Variants in ANO6 observed in about 807,000 individuals in gnomAD.
The protein encoded by ANO6 is anoctamin 6, also known as anoctamin-6.
A neutral mutation model predicts 117.5 loss-of-function variants in ANO6; 106 were observed. The observed-to-expected ratio is 0.90, with a 90% CI of 0.77 to 1.06. The LOEUF is 1.06. Among genes scored for constraint, ANO6 ranks in the 50% least tolerant of loss-of-function variants. The pLI, the probability that ANO6 is intolerant of heterozygous loss-of-function variation, is 0.00. For missense variants in ANO6, 955 were observed against 1,121.1 expected (o/e 0.85, Z 2.12); for synonymous variants, 367 against 385.1 (o/e 0.95, Z 0.55).
intron 1 of ANO6, among the ~76,000 whole-genome samples, chr12:45,277,284 G>A (rs1462990294): frequency 6.6e-6 from 1 of 152,146 alleles, no homozygotes; most frequent in Non-Finnish European, 1.5e-5. Context: ...TTCCTCTGGA[G>A]ACTGTACAGC....
At chr12:45,261,897 C>T (rs747881972) in intron 1 of ANO6, among the ~76,000 whole-genome samples, 1 of 152,120 alleles carries the variant, frequency 6.6e-6, no homozygotes, top group Non-Finnish European at 1.5e-5. Flanking sequence ...TAAAAGGTAC[C>T]GTTTTCACTT....
At chr12:45,390,047 C>T (rs1942400011) in intron 11 of ANO6, among the ~76,000 whole-genome samples, 1 of 152,192 alleles carries the variant, frequency 6.6e-6, no homozygotes, top group African/African-American at 2.4e-5. Flanking sequence ...TATTTGCAGA[C>T]ATCTAGGAAA....
chr12:45,230,046 C>T (rs1947551948), intron 1 of ANO6, among the ~76,000 whole-genome samples: 1 of 152,076 alleles, frequency 6.6e-6, no homozygotes, highest in East Asian at 1.9e-4. Context: ...GTTGCTTTTA[C>T]CTAAGTCTTA....
At position 45,260,476 on chromosome 12, in the gene ANO6, A is replaced by G. The variant is rs1325900340; in HGVS notation, c.71-41538A>G. On this transcript the variant is annotated intron_variant, in intron 1 of 19. Transcript: ENST00000320560. ...CAAGGCAAAGCAAAGGACAAAGGTTATGGGAGCAAATAGGAGGGCACTGTG... is the reference window on the plus strand; with the variant it reads ...CAAGGCAAAGCAAAGGACAAAGGTTGTGGGAGCAAATAGGAGGGCACTGTG... Among the ~76,000 whole-genome samples the G allele has an allele frequency of 2.0e-5, 3 of 152,228 alleles. 1 individual carries two copies. Among genetic ancestry groups the G allele is most frequent in the South Asian group, 4.1e-4 (2 of 4,836 alleles).
chr12:45,249,083 T>C (rs1947866011), intron 1 of ANO6, among the ~76,000 whole-genome samples: 2 of 152,212 alleles, frequency 1.3e-5, no homozygotes. Flanking sequence ...CACATAGGAC[T>C]TTTTCTGAGG....
At position 45,403,201 on chromosome 12, in the gene ANO6, G is replaced by C. The variant is rs766040840; in HGVS notation, c.1742G>C (p.Gly581Ala). The C allele has an allele frequency of 6.2e-7, 1 of 1,613,908 alleles. No individual in the cohort carries two copies. The highest frequency in any genetic ancestry group is 8.5e-7 in the Non-Finnish European group (1 of 1,179,898). The change falls in exon 14 of 20, where the codon GGA (glycine) becomes GCA (alanine). Residue 581 changes from glycine to alanine, a missense_variant. Gly to Ala is a moderately conservative substitution (Grantham distance 60). Transcript: ENST00000320560. ...AAGGGCAAATTTGTAGGCTATCCAG[G>C]AGACCCAGTTTATTGGTTGGGAAAA... ...FFKGKFVGYP[G>A]DPVYWLGKYR...
intron 3 of ANO6, among the ~76,000 whole-genome samples, chr12:45,344,854 T>C (rs1379111026): frequency 6.6e-6 from 1 of 152,152 alleles, no homozygotes; most frequent in East Asian, 1.9e-4. Context: ...CTGAGTCAAC[T>C]TTCAAGTTCA....
intron 12 of ANO6, among the ~76,000 whole-genome samples, chr12:45,392,782 C>A (rs1565745002): frequency 1.3e-5 from 2 of 152,162 alleles, no homozygotes; most frequent in Non-Finnish European, 2.9e-5. Context: ...AACAGACAGA[C>A]AGAAAGGAAT....
intron 1 of ANO6, among the ~76,000 whole-genome samples, chr12:45,230,539 G>A (rs1424861909): frequency 1.3e-5 from 2 of 151,102 alleles, no homozygotes; most frequent in African/African-American, 2.4e-5. Context: ...ACAACTAAAC[G>A]GAGAAATATA....
At chr12:45,270,774 G>A (rs981597694) in intron 1 of ANO6, among the ~76,000 whole-genome samples, 1 of 151,282 alleles carries the variant, frequency 6.6e-6, no homozygotes, top group Non-Finnish European at 1.5e-5. Context: ...TTTTTTTTGA[G>A]ACAGTCTCAC....
At position 45,350,658 on chromosome 12, in the gene ANO6, G is replaced by A. The variant is rs1230581702; in HGVS notation, c.748-1G>A. ...CTTACATGTTCCCTTCTGCGTCACA[G>A]TGCAAATTCCGCCGTCAGTCAGAGG... On this transcript the variant is annotated splice_acceptor_variant, in intron 6 of 19. Coordinates refer to ENST00000320560, the MANE Select transcript of ANO6 (RefSeq NM_001025356.3). LOFTEE classifies it high-confidence loss of function. The A allele has an allele frequency of 4.3e-6, 7 of 1,612,984 alleles. No homozygotes were observed. In the South Asian group the frequency reaches 6.6e-5, roughly 15 times the overall value.
At chr12:45,318,120 T>G (rs1010246694) in intron 2 of ANO6, among the ~76,000 whole-genome samples, 2 of 152,248 alleles carry the variant, frequency 1.3e-5, no homozygotes, top group Non-Finnish European at 2.9e-5. Context: ...AGAAGCTCTT[T>G]AGTTGAATTA....
chr12:45,375,076 C>T (rs1272052572), intron 9 of ANO6, among the ~76,000 whole-genome samples: 1 of 151,800 alleles, frequency 6.6e-6, no homozygotes, highest in East Asian at 1.9e-4. Context: ...AAACAGAGAG[C>T]CAAATCATGA....
chr12:45,278,209 T>C (rs939806917), intron 1 of ANO6, among the ~76,000 whole-genome samples: 1 of 152,142 alleles, frequency 6.6e-6, no homozygotes, highest in African/African-American at 2.4e-5. Context: ...CTCCCCACCT[T>C]AGCCCCCAGA....
rs1039523470 is a variant in ANO6 at position 45,347,067 on chromosome 12, C to T, written c.325C>T (p.Gln109Ter). 2 of 1,614,042 alleles carry T rather than the reference C, an allele frequency of 1.2e-6. No individual in the cohort carries two copies. Among genetic ancestry groups the T allele is most frequent in the Non-Finnish European group, 1.7e-6 (2 of 1,179,954 alleles). Residue 109 changes from glutamine (Q) to a stop codon, truncating the protein, a stop_gained, in exon 4 of 20, where the codon CAG (glutamine) becomes TAG (stop). Transcript: ENST00000320560. LOFTEE classifies it high-confidence loss of function. Reference protein sequence around the residue: ...YESNLICHGLQLEATRSVLDD... With the variant: ...YESNLICHGL ...ATCTAACCTTATCTGTCATGGCCTG[C>T]AGTTAGAAGCAACAAGATCAGTAAG...
intron 1 of ANO6, among the ~76,000 whole-genome samples, chr12:45,241,933 T>C (rs1947750661): frequency 6.6e-6 from 1 of 152,230 alleles, no homozygotes; most frequent in African/African-American, 2.4e-5. Flanking sequence ...TGATCCTTTC[T>C]GTGGAAGCTT....
chr12:45,423,017 T>C lies in ANO6; in HGVS notation c.2481T>C (p.Tyr827=). 1 of 1,614,138 alleles carries C rather than the reference T, an allele frequency of 6.2e-7. No homozygotes were observed. The highest frequency in any genetic ancestry group is 1.1e-5 in the South Asian group (1 of 91,082). ...HPQEYKHNIY[Y]WHVIAAKLAF... ...AGGAGTATAAACACAACATCTACTA[T>C]TGGCATGTGATTGCAGCCAAGCTGG... Residue 827 remains tyrosine (Y), a synonymous_variant, in exon 19 of 20, where the codon TAT becomes TAC. Coordinates refer to ENST00000320560, the MANE Select transcript of ANO6 (RefSeq NM_001025356.3).
chr12:45,227,826 T>G (rs1337563356), intron 1 of ANO6, among the ~76,000 whole-genome samples: 1 of 152,226 alleles, frequency 6.6e-6, no homozygotes, highest in Non-Finnish European at 1.5e-5. Context: ...GTGGCTGTGC[T>G]GCAGACACAT....
chr12:45,409,285 TAGC>T lies in ANO6; in HGVS notation c.1881-67_1881-65del, dbSNP rs1303518675. 8 of 1,571,246 alleles carry T rather than the reference TAGC, an allele frequency of 5.1e-6. No homozygotes were observed. The African/African-American group carries it at 5.4e-5, about 11-fold the overall frequency. On this transcript the variant is annotated intron_variant, in intron 15 of 19. Coordinates refer to ENST00000320560, the MANE Select transcript of ANO6 (RefSeq NM_001025356.3). ...GAAGATTACTTGTGCAGCTTTGAGA[TAGC>T]AGCAAAATATTTTTATGACCTTGGC... is the stretch of plus-strand genomic sequence containing the variant.
Sources: gnomAD v4.1 joint callset for allele counts (sites outside exome capture counted in the v4.1 genomes callset) on GRCh38, gnomAD v4.1.1 for gene constraint, MANE v1.5 for transcripts, NCBI Gene and HGNC (gene_info 2026-07-23, HGNC 2026-07-21) for gene names.